TECPR2: variants seen among roughly 807,000 people sequenced by gnomAD.
TECPR2 encodes the protein tectonin beta-propeller repeat containing 2.
In TECPR2, 65 loss-of-function variants were observed where a neutral mutation model predicts 138.1. The ratio of observed to expected loss-of-function variants is 0.47; its 90% CI spans 0.39 to 0.58. TECPR2 has a LOEUF of 0.58. Among genes scored for constraint, TECPR2 ranks in the 20% least tolerant of loss-of-function variants. The pLI, the probability that TECPR2 is intolerant of heterozygous loss-of-function variation, is 0.00. For missense variants in TECPR2, 1,553 were observed against 1,824.5 expected, an observed-to-expected ratio of 0.85 and a Z score of 2.71; for synonymous variants, 746 against 749.8, an observed-to-expected ratio of 0.99 and a Z score of 0.08.
At chr14:102,470,026 A>G (rs1444411157) in intron 17 of TECPR2, among the ~76,000 whole-genome samples, 2 of 152,156 alleles carry the variant, frequency 1.3e-5, no homozygotes, top group Non-Finnish European at 2.9e-5. Flanking sequence ...TTGTGTCTAT[A>G]TTCATGAGAG....
intron 16 of TECPR2, among the ~76,000 whole-genome samples, chr14:102,456,763 G>A (rs1256495154): frequency 6.6e-6 from 1 of 151,422 alleles, no homozygotes; most frequent in African/African-American, 2.4e-5. Context: ...CTAATTTTTT[G>A]TATTTTTAGT....
intron 2 of TECPR2, among the ~76,000 whole-genome samples, chr14:102,383,185 C>T (rs1391870072): frequency 6.6e-6 from 1 of 152,192 alleles, no homozygotes; most frequent in African/African-American, 2.4e-5. Context: ...CATTACCCCT[C>T]CCCAAGGTAA....
chr14:102,441,626 C>T (rs893160962), intron 11 of TECPR2, among the ~76,000 whole-genome samples: 4 of 151,980 alleles, frequency 2.6e-5, no homozygotes, highest in African/African-American at 9.7e-5. Flanking sequence ...GGAGGCAGAG[C>T]TTGCAGTGAG....
rs909906609 is a variant in TECPR2 at position 102,416,970 on chromosome 14, C to T, written c.638+2177C>T. 7.9e-5 allele frequency among the ~76,000 whole-genome samples: 12 copies of T among 152,250 alleles called. No individual in the cohort carries two copies. In the East Asian group the frequency reaches 1.7e-3, roughly 22 times the overall value. On this transcript the variant is annotated intron_variant, in intron 5 of 19. Coordinates refer to ENST00000359520, the MANE Select transcript of TECPR2 (RefSeq NM_014844.5). ...CCGCACTCCAGCCTGGGTGACAGAG[C>T]GAGACTTCATCTCAAAAAAATCGAA...
At chr14:102,461,657 C>T (rs1481327127) in intron 16 of TECPR2, among the ~76,000 whole-genome samples, 1 of 152,224 alleles carries the variant, frequency 6.6e-6, no homozygotes, top group Non-Finnish European at 1.5e-5. Flanking sequence ...GCCCCCGCTC[C>T]ACGAAGCTGG....
chr14:102,447,084 A>G (rs1163295568), intron 13 of TECPR2, among the ~76,000 whole-genome samples: 1 of 152,216 alleles, frequency 6.6e-6, no homozygotes, highest in Non-Finnish European at 1.5e-5. Context: ...AAACAGGATG[A>G]GGGTATAATC....
chr14:102,463,065 C>T (rs1890447208), intron 16 of TECPR2, among the ~76,000 whole-genome samples: 1 of 152,212 alleles, frequency 6.6e-6, no homozygotes, highest in Non-Finnish European at 1.5e-5. Flanking sequence ...CAGCCAGAAC[C>T]CGCAGACACG....
At chr14:102,449,601 A>G (rs771067431) in intron 13 of TECPR2, 28 bp from the exon 14 acceptor site, 4 of 1,611,824 alleles carry the variant, frequency 2.5e-6, no homozygotes, top group Non-Finnish European at 3.4e-6. Context: ...CTCTGACAGC[A>G]GGGCTTTTGC....
At chr14:102,418,147 G>A (rs961052065) in intron 5 of TECPR2, among the ~76,000 whole-genome samples, 3 of 152,178 alleles carry the variant, frequency 2.0e-5, no homozygotes, top group African/African-American at 4.8e-5. Flanking sequence ...CAGGGAAGAA[G>A]TCTTGACCAG....
intron 17 of TECPR2, among the ~76,000 whole-genome samples, chr14:102,468,046 A>G (rs976796975): frequency 3.3e-5 from 5 of 151,326 alleles, no homozygotes; most frequent in Non-Finnish European, 7.4e-5. Flanking sequence ...GGGTTTCACC[A>G]TGTTGGCCAG....
rs1463717639 is a variant in TECPR2, at chr14:102,434,819, A to G, written c.2002A>G (p.Arg668Gly). Residue 668 changes from arginine (R) to glycine (G), a missense_variant, in exon 9 of 20, where the codon AGA (arginine) becomes GGA (glycine). By Grantham distance (125) the Arg-to-Gly change is moderately radical. Coordinates refer to ENST00000359520, the MANE Select transcript of TECPR2 (RefSeq NM_014844.5). The stretch of plus-strand genomic sequence containing the variant: ...TGCTGAACAGTGGCTGCCTGGGACC[A>G]GAGCTGATGAAGGCAGCCCCGTGGA... ...PSAEQWLPGT[R>G]ADEGSPVEPS... 1.2e-6 allele frequency: 2 copies of G among 1,613,290 alleles called. No homozygotes were observed. The highest frequency in any genetic ancestry group is 1.7e-6 in the Non-Finnish European group (2 of 1,180,038).
At chr14:102,399,895 G>A (rs1417763389) in intron 2 of TECPR2, among the ~76,000 whole-genome samples, 1 of 151,364 alleles carries the variant, frequency 6.6e-6, no homozygotes, top group Non-Finnish European at 1.5e-5. Context: ...AAGGATATGT[G>A]CAATTTTAAA....
chr14:102,389,542 A>T lies in TECPR2; in HGVS notation c.219+12602A>T, dbSNP rs540379900. On this transcript the variant is annotated intron_variant, in intron 2 of 19. Transcript: ENST00000359520. ...AGATTAGAGAAGTCAGAAGACCAAC[A>T]TGTATATGGATACTTGAGTAATTGC... Among the ~76,000 whole-genome samples, 62 of 152,342 alleles carry T rather than the reference A, an allele frequency of 4.1e-4. 1 individual carries two copies. The highest frequency in any genetic ancestry group is 1.4e-3 in the African/African-American group (58 of 41,586).
intron 2 of TECPR2, among the ~76,000 whole-genome samples, chr14:102,387,309 C>G (rs1374427800): frequency 6.6e-6 from 1 of 152,112 alleles, no homozygotes; most frequent in East Asian, 1.9e-4. Flanking sequence ...ATTCTTCCTA[C>G]CTAGTGCCAA....
At chr14:102,445,569 C>T (rs906015853) in intron 12 of TECPR2, among the ~76,000 whole-genome samples, 29 of 152,182 alleles carry the variant, frequency 1.9e-4, no homozygotes, top group Non-Finnish European at 3.2e-4. Flanking sequence ...AGAGTGTTCC[C>T]AGCCATTCTG....
intron 2 of TECPR2, among the ~76,000 whole-genome samples, chr14:102,404,078 AT>A (rs1308102063): frequency 6.9e-6 from 1 of 145,532 alleles, no homozygotes; most frequent in African/African-American, 2.5e-5. Context: ...TTTTTTTTTA[AT>A]TTTTTGTAGA....
intron 3 of TECPR2, 74 bp from the exon 4 acceptor site, chr14:102,408,414 C>T: frequency 6.7e-7 from 1 of 1,499,814 alleles, no homozygotes; most frequent in Non-Finnish European, 8.9e-7. Flanking sequence ...GATTGTATAC[C>T]TTTTCCATGT....
In TECPR2 at chr14:102,497,562, G is replaced by A. The variant is rs1447528383; in HGVS notation, c.3932-8G>A. 3 of 1,580,920 alleles carry A rather than the reference G, an allele frequency of 1.9e-6. No homozygotes were observed. The highest frequency in any genetic ancestry group is 2.3e-5 in the South Asian group (2 of 87,002). On this transcript the variant is annotated splice_region_variant and splice_polypyrimidine_tract_variant and intron_variant, in intron 18 of 19. Coordinates refer to ENST00000359520, the MANE Select transcript of TECPR2 (RefSeq NM_014844.5). ...CAGGGGCTCAGGAGGGACCCTGTCT[G>A]CCCACAGGGTTGCAGGCCTGCCAGC...
Position 102,445,846 on chromosome 14 carries a change from G to A in TECPR2, c.2974G>A (p.Asp992Asn), listed in dbSNP as rs1195308790. ...AGAACCCGTCTGCATAACGCTCGGG[G>A]ATCAGCAGACTCTCTGGGCCCTGGA... Reference protein sequence around the residue: ...ALEPVCITLGDQQTLWALDIH... With the variant: ...ALEPVCITLGNQQTLWALDIH... The change falls in exon 13 of 20, where the codon GAT becomes AAT. Residue 992 changes from aspartate to asparagine, a missense_variant. Coordinates refer to ENST00000359520, the MANE Select transcript of TECPR2 (RefSeq NM_014844.5). 6.2e-6 allele frequency: 10 copies of A among 1,613,900 alleles called. No homozygotes were observed. The highest frequency in any genetic ancestry group is 8.5e-6 in the Non-Finnish European group (10 of 1,179,990).
Sources: gnomAD v4.1 joint callset for allele counts (sites outside exome capture counted in the v4.1 genomes callset) on GRCh38, gnomAD v4.1.1 for gene constraint, MANE v1.5 for transcripts, NCBI Gene and HGNC (gene_info 2026-07-23, HGNC 2026-07-21) for gene names.